The following MARCHF1 variants were observed in gnomAD, a reference collection of about 807,000 sequenced individuals.
MARCHF1 encodes membrane associated ring-CH-type finger 1.
MARCHF1 carries 40 observed loss-of-function variants against 54.2 expected under a neutral mutation model. That is an observed-to-expected ratio of 0.74 (90% CI 0.57 to 0.96). The LOEUF is 0.96. MARCHF1 is among the 40% of genes least tolerant of loss of function. MARCHF1 has a pLI of 0.00. For synonymous variants in MARCHF1, 236 were observed against 236.3 expected (o/e 1.00, Z 0.01); for missense variants, 586 against 656.5 (o/e 0.89, Z 1.17).
At chr4:163,791,170 T>C (rs992830334) in intron 4 of MARCHF1, among the ~76,000 whole-genome samples, 13 of 152,168 alleles carry the variant, frequency 8.5e-5, no homozygotes, top group African/African-American at 2.9e-4. Flanking sequence ...TATAAGAATG[T>C]GTTTTCTTCT....
At chr4:164,172,493 T>TCC (rs1264429260) in intron 1 of MARCHF1, among the ~76,000 whole-genome samples, 8 of 152,140 alleles carry the variant, frequency 5.3e-5, no homozygotes, top group Non-Finnish European at 1.0e-4. Context: ...TATGTACGTC[T>TCC]CCCCTTCTTA....
intron 3 of MARCHF1, among the ~76,000 whole-genome samples, chr4:163,888,852 A>C (rs1750595248): frequency 6.6e-6 from 1 of 152,104 alleles, no homozygotes; most frequent in Non-Finnish European, 1.5e-5. Context: ...TGCAGCAAGC[A>C]CTGTTTTGCT....
chr4:164,238,105 G>T (rs529858054), intron 1 of MARCHF1, among the ~76,000 whole-genome samples: 1 of 152,090 alleles, frequency 6.6e-6, no homozygotes, highest in South Asian at 2.1e-4. Flanking sequence ...AATTCATATA[G>T]AATAGATTTA....
intron 4 of MARCHF1, among the ~76,000 whole-genome samples, chr4:163,717,407 T>C (rs1745299208): frequency 6.6e-6 from 1 of 151,976 alleles, no homozygotes; most frequent in Non-Finnish European, 1.5e-5. Flanking sequence ...TGTTGGACAT[T>C]TGGGTTGGTT....
intron 7 of MARCHF1, among the ~76,000 whole-genome samples, chr4:163,608,033 A>G (rs539040298): frequency 3.7e-4 from 57 of 152,266 alleles, no homozygotes; most frequent in Non-Finnish European, 7.4e-4. Context: ...TTCCCTTAGA[A>G]AAGTACATTT....
intron 1 of MARCHF1, among the ~76,000 whole-genome samples, chr4:164,119,858 A>C (rs1756026962): frequency 6.6e-6 from 1 of 152,006 alleles, no homozygotes; most frequent in Non-Finnish European, 1.5e-5. Flanking sequence ...TTATAAAATA[A>C]ATACCATGCA....
At chr4:163,739,160 A>T (rs1320503539) in intron 4 of MARCHF1, among the ~76,000 whole-genome samples, 2 of 152,208 alleles carry the variant, frequency 1.3e-5, no homozygotes, top group Admixed American at 1.3e-4. Context: ...CATGGAATGC[A>T]TATTTGTTCA....
chr4:164,125,875 C>T (rs1756169026), intron 1 of MARCHF1, among the ~76,000 whole-genome samples: 1 of 152,188 alleles, frequency 6.6e-6, no homozygotes, highest in Non-Finnish European at 1.5e-5. Flanking sequence ...GAATCTAATA[C>T]CTGGTGATCT....
At chr4:163,782,855 A>T (rs1747509170) in intron 4 of MARCHF1, among the ~76,000 whole-genome samples, 1 of 152,124 alleles carries the variant, frequency 6.6e-6, no homozygotes, top group Admixed American at 6.5e-5. Flanking sequence ...TTTGGTCTCC[A>T]TTGGGCTTGC....
chr4:164,178,109 T>A (rs1730738580), intron 1 of MARCHF1, among the ~76,000 whole-genome samples: 2 of 152,192 alleles, frequency 1.3e-5, no homozygotes, highest in Admixed American at 1.3e-4. Context: ...TTGAACCCAA[T>A]CACATTCCTA....
At chr4:164,180,517 A>ATTAT (rs1730805522) in intron 1 of MARCHF1, among the ~76,000 whole-genome samples, 1 of 146,778 alleles carries the variant, frequency 6.8e-6, no homozygotes, top group Non-Finnish European at 1.5e-5. Flanking sequence ...ATGATAAAAT[A>ATTAT]TTTCAAGGCT....
intron 7 of MARCHF1, among the ~76,000 whole-genome samples, chr4:163,592,849 A>G (rs554640123): frequency 1.1e-4 from 16 of 152,218 alleles, no homozygotes; most frequent in African/African-American, 3.8e-4. Flanking sequence ...AGAGGTCTCC[A>G]TGGGCTCTTG....
At chr4:163,919,092 GATTAAT>G (rs1435089610) in intron 3 of MARCHF1, among the ~76,000 whole-genome samples, 1 of 152,090 alleles carries the variant, frequency 6.6e-6, no homozygotes, top group African/African-American at 2.4e-5. Context: ...TACAATCTAT[GATTAAT>G]ATTGATTTCT....
intron 1 of MARCHF1, among the ~76,000 whole-genome samples, chr4:164,238,134 C>A (rs1031255379): frequency 2.6e-5 from 4 of 151,976 alleles, no homozygotes; most frequent in African/African-American, 7.2e-5. Flanking sequence ...TATGTAAACA[C>A]TGGTAATTTC....
chr4:164,196,912 G>A (rs1175552466), intron 1 of MARCHF1: 5 of 1,464,822 alleles, frequency 3.4e-6, no homozygotes, highest in East Asian at 2.3e-5. Flanking sequence ...TTGGAGGGGG[G>A]AGGGGATATG....
chr4:163,656,587 G>A (rs1362541743), intron 5 of MARCHF1, among the ~76,000 whole-genome samples: 1 of 151,870 alleles, frequency 6.6e-6, no homozygotes, highest in Non-Finnish European at 1.5e-5. Context: ...CCAAAACCTG[G>A]CAGAGACACA....
At chr4:164,316,461 A>G (rs2110741544) in intron 1 of MARCHF1, among the ~76,000 whole-genome samples, 1 of 152,252 alleles carries the variant, frequency 6.6e-6, no homozygotes, top group Non-Finnish European at 1.5e-5. Flanking sequence ...TTTTGTTTAG[A>G]TATCAGTGCT....
At chr4:163,743,166 C>T (rs563463494) in intron 4 of MARCHF1, among the ~76,000 whole-genome samples, 80 of 152,230 alleles carry the variant, frequency 5.3e-4, no homozygotes, top group African/African-American at 1.8e-3. Flanking sequence ...AACCTTGAAT[C>T]TGGAAGGAAA....
intron 2 of MARCHF1, among the ~76,000 whole-genome samples, chr4:164,095,420 AC>A (rs1054230280): frequency 6.6e-6 from 1 of 151,552 alleles, no homozygotes; most frequent in African/African-American, 2.4e-5. Flanking sequence ...ACACAAACAC[AC>A]ACACACACAC....
Sources: gnomAD v4.1 joint callset for allele counts (sites outside exome capture counted in the v4.1 genomes callset) on GRCh38, gnomAD v4.1.1 for gene constraint, MANE v1.5 for transcripts, NCBI Gene and HGNC (gene_info 2026-07-23, HGNC 2026-07-21) for gene names.